Variants in DLGAP2 observed in about 807,000 individuals in gnomAD.
DLGAP2 encodes the protein DLG associated protein 2.
In DLGAP2, 26 loss-of-function variants were observed where a neutral mutation model predicts 100.3. The ratio of observed to expected loss-of-function variants is 0.26; its 90% confidence interval spans 0.19 to 0.36. The LOEUF (loss-of-function observed/expected upper bound fraction) is 0.36, where lower values mean the gene tolerates loss of function less well. Among genes scored for constraint, DLGAP2 ranks in the 10% least tolerant of loss-of-function variants. The pLI is 1.00. For missense variants in DLGAP2, 1,858 were observed against 1,453.2 expected (o/e 1.28, Z -4.53); for synonymous variants, 886 against 630.1 (o/e 1.41, Z -6.08).
intron 3 of DLGAP2, among the ~76,000 whole-genome samples, chr8:1,414,822 A>G (rs1199971314): frequency 1.3e-5 from 2 of 152,200 alleles, no homozygotes; most frequent in African/African-American, 4.8e-5. Flanking sequence ...CAGCCTGGCC[A>G]ACATGGCAAA....
chr8:1,009,199 T>G lies in DLGAP2; in HGVS notation c.73+101233T>G, dbSNP rs1193411764. 2.6e-5 allele frequency among the ~76,000 whole-genome samples: 4 copies of G among 152,288 alleles called. No homozygotes were observed. In the East Asian group the frequency reaches 7.7e-4, roughly 29 times the overall value. Reference sequence around the variant, plus strand: ...TCTCCTAAGGCCCTGGACACCCACCTCCCAGTTCTGTCCCCCAAAACTCTC... The same window carrying G: ...TCTCCTAAGGCCCTGGACACCCACCGCCCAGTTCTGTCCCCCAAAACTCTC... On this transcript the variant is annotated intron_variant, in intron 2 of 14. Transcript: ENST00000637795.
intron 2 of DLGAP2, among the ~76,000 whole-genome samples, chr8:1,160,952 G>A (rs62487487): frequency 0.13 from 19,579 of 152,188 alleles, 1,427 homozygotes; most frequent in East Asian, 0.23. Context: ...CCCCATAGCT[G>A]TGGCAAAAAT....
chr8:1,327,796 A>T (rs762604286), intron 3 of DLGAP2, among the ~76,000 whole-genome samples: 1 of 152,206 alleles, frequency 6.6e-6, no homozygotes, highest in Non-Finnish European at 1.5e-5. Flanking sequence ...ATGAGCAGAG[A>T]TGGCACCACT....
intron 3 of DLGAP2, among the ~76,000 whole-genome samples, chr8:1,422,024 A>G (rs949271422): frequency 1.3e-5 from 2 of 152,162 alleles, no homozygotes; most frequent in African/African-American, 4.8e-5. Flanking sequence ...AGCAATCATA[A>G]TAGCTGATAT....
At chr8:1,367,201 A>G (rs1196628474) in intron 3 of DLGAP2, among the ~76,000 whole-genome samples, 2 of 152,248 alleles carry the variant, frequency 1.3e-5, no homozygotes, top group African/African-American at 4.8e-5. Flanking sequence ...TGGCCATTGA[A>G]TCAAAATGCA....
chr8:930,933 G>C (rs944236997), intron 2 of DLGAP2, among the ~76,000 whole-genome samples: 3 of 152,166 alleles, frequency 2.0e-5, no homozygotes, highest in African/African-American at 4.8e-5. Flanking sequence ...GGAGATGAGT[G>C]GGGAGGGAGG....
intron 2 of DLGAP2, among the ~76,000 whole-genome samples, chr8:1,189,091 G>A (rs924733423): frequency 1.4e-5 from 2 of 146,632 alleles, no homozygotes; most frequent in Non-Finnish European, 2.9e-5. Context: ...CGGTTCCGCG[G>A]TTGGGGTTGA....
At chr8:1,289,271 C>G (rs944641420) in intron 3 of DLGAP2, among the ~76,000 whole-genome samples, 7 of 152,160 alleles carry the variant, frequency 4.6e-5, no homozygotes, top group Admixed American at 1.3e-4. Flanking sequence ...TATAGGATTG[C>G]TAATACATAG....
In DLGAP2 at chr8:1,040,430, A is replaced by T. The variant is rs1192524212; in HGVS notation, c.73+132464A>T. ...CGGCTCGGTGTGCGTGGTCGGCTCA[A>T]TGTGCGTGGTCGGCTCAGTTTCCGT... On this transcript the variant is annotated intron_variant, in intron 2 of 14. Coordinates refer to ENST00000637795, the MANE Select transcript of DLGAP2 (RefSeq NM_001346810.2). 4.6e-4 allele frequency among the ~76,000 whole-genome samples: 14 copies of T among 30,234 alleles called. No individual in the cohort carries two copies. In the East Asian group the frequency reaches 0.013, roughly 29 times the overall value. The allele number at this position is 30,234 out of a possible 152,430, so 19.8% of individuals were successfully genotyped here. A position where few individuals can be genotyped will look rare whatever the true frequency, so the allele number is the denominator to read the frequency against.
intron 2 of DLGAP2, among the ~76,000 whole-genome samples, chr8:1,133,261 CT>C (rs1796335437): frequency 1.3e-5 from 2 of 152,116 alleles, no homozygotes; most frequent in South Asian, 4.2e-4. Context: ...ACTTCCATGC[CT>C]GGGGGTTTGC....
chr8:1,386,275 C>G (rs867981469), intron 3 of DLGAP2, among the ~76,000 whole-genome samples: 4 of 152,160 alleles, frequency 2.6e-5, no homozygotes, highest in Middle Eastern at 3.4e-3. Flanking sequence ...AGAAAAATCA[C>G]CAGACCCAAA....
chr8:1,133,000 T>G (rs1796328944), intron 2 of DLGAP2, among the ~76,000 whole-genome samples: 1 of 152,208 alleles, frequency 6.6e-6, no homozygotes, highest in South Asian at 2.1e-4. Context: ...CTTGAAGTTG[T>G]GTCTTCACTT....
chr8:1,555,803 A>C (rs149729528), intron 5 of DLGAP2, among the ~76,000 whole-genome samples: 1 of 152,204 alleles, frequency 6.6e-6, no homozygotes, highest in Non-Finnish European at 1.5e-5. Context: ...AATTCCAGCA[A>C]TGTTTGTTGA....
chr8:1,281,850 C>G (rs1477686085), intron 3 of DLGAP2, among the ~76,000 whole-genome samples: 1 of 152,224 alleles, frequency 6.6e-6, no homozygotes, highest in Admixed American at 6.5e-5. Flanking sequence ...CGTGGCTCCA[C>G]CACACTGGGC....
intron 2 of DLGAP2, among the ~76,000 whole-genome samples, chr8:1,251,053 T>A (rs1799028415): frequency 6.6e-6 from 1 of 152,256 alleles, no homozygotes; most frequent in Admixed American, 6.5e-5. Context: ...ATCTGCAGTT[T>A]AAACATTGGT....
intron 3 of DLGAP2, among the ~76,000 whole-genome samples, chr8:1,412,537 G>T (rs1227664474): frequency 6.6e-6 from 1 of 152,224 alleles, no homozygotes; most frequent in Non-Finnish European, 1.5e-5. Context: ...TTGGCCTTGT[G>T]TATCCTTGGT....
rs1040497655 is a variant in DLGAP2, at chr8:1,360,058, A to G, written c.106+101175A>G. ...ATCGCGAGCCACTTTCCGCCTCTTCATCCCCGTCCACTGAGGAAATCCACC... is the reference window on the plus strand; with the variant it reads ...ATCGCGAGCCACTTTCCGCCTCTTCGTCCCCGTCCACTGAGGAAATCCACC... On this transcript the variant is annotated intron_variant, in intron 3 of 14. Transcript: ENST00000637795. 3.3e-5 allele frequency among the ~76,000 whole-genome samples: 5 copies of G among 152,144 alleles called. 1 individual carries two copies. In the South Asian group the frequency reaches 8.3e-4, roughly 25 times the overall value.
chr8:1,602,796 A>C (rs1796670096), intron 6 of DLGAP2, among the ~76,000 whole-genome samples: 1 of 152,278 alleles, frequency 6.6e-6, no homozygotes, highest in Admixed American at 6.5e-5. Context: ...CATGGCAGGC[A>C]GTGACAGCTC....
chr8:1,199,419 A>T (rs989780260), intron 2 of DLGAP2, among the ~76,000 whole-genome samples: 11 of 152,302 alleles, frequency 7.2e-5, no homozygotes, highest in Admixed American at 6.5e-4. Context: ...GTGAGCGCTT[A>T]TTACAAATTA....
Sources: allele counts gnomAD v4.1 joint callset (sites outside exome capture counted in the v4.1 genomes callset), GRCh38; gene constraint gnomAD v4.1.1; transcripts MANE v1.5; gene names NCBI Gene and HGNC (gene_info 2026-07-23, HGNC 2026-07-21).